Variants in SDK1 observed in about 807,000 individuals in gnomAD.
SDK1 encodes sidekick cell adhesion molecule 1, also known as protein sidekick-1.
A neutral mutation model predicts 245.5 loss-of-function variants in SDK1; 157 were observed. The observed-to-expected ratio is 0.64, with a 90% CI of 0.56 to 0.73. The LOEUF (loss-of-function observed/expected upper bound fraction) is 0.73. SDK1 is among the 30% of genes least tolerant of loss of function. The pLI is 0.00. For synonymous variants in SDK1, 1,647 were observed against 1,278.5 expected (o/e 1.29, Z -6.15); for missense variants, 3,583 against 3,002.3 (o/e 1.19, Z -4.52).
chr7:3,637,103 G>T (rs28666850), intron 2 of SDK1, among the ~76,000 whole-genome samples: 7 of 151,218 alleles, frequency 4.6e-5, no homozygotes. Flanking sequence ...GTGTGTGTGT[G>T]TGTGTGTGTT....
In SDK1 at chr7:3,497,425, G is replaced by C. The variant is rs192565307; in HGVS notation, c.299-121655G>C. The stretch of plus-strand genomic sequence containing the variant: ...ATCAGTCTTTTTGTAGCTGTCTGCT[G>C]CAGACATCATTGCGTCTTTATTATG... On this transcript the variant is annotated intron_variant, in intron 1 of 44. Transcript: ENST00000404826. Among the ~76,000 whole-genome samples the C allele has an allele frequency of 1.1e-3, 173 of 152,290 alleles. 1 individual carries two copies. Among genetic ancestry groups the C allele is most frequent in the African/African-American group, 4.0e-3 (165 of 41,570 alleles).
intron 1 of SDK1, among the ~76,000 whole-genome samples, chr7:3,401,266 C>G (rs549079211): frequency 7.2e-5 from 11 of 152,090 alleles, no homozygotes; most frequent in South Asian, 2.1e-4. Flanking sequence ...GAATTCCAAT[C>G]AAGATGAGTT....
chr7:3,761,007 C>A (rs571390329), intron 4 of SDK1, among the ~76,000 whole-genome samples: 1 of 152,232 alleles, frequency 6.6e-6, no homozygotes, highest in African/African-American at 2.4e-5. Context: ...TGAGCATTTG[C>A]CTACATGTAA....
At chr7:3,425,485 T>C (rs1419835542) in intron 1 of SDK1, among the ~76,000 whole-genome samples, 1 of 152,236 alleles carries the variant, frequency 6.6e-6, no homozygotes, top group African/African-American at 2.4e-5. Context: ...AATACCAGCA[T>C]GATAGATTTG....
At chr7:4,134,379 C>A (rs1217159024) in intron 28 of SDK1, among the ~76,000 whole-genome samples, 1 of 152,194 alleles carries the variant, frequency 6.6e-6, no homozygotes, top group Non-Finnish European at 1.5e-5. Flanking sequence ...TGAGCCACAT[C>A]TGGTGCCTGC....
intron 1 of SDK1, among the ~76,000 whole-genome samples, chr7:3,420,709 A>G (rs1440914158): frequency 6.6e-6 from 1 of 152,230 alleles, no homozygotes; most frequent in Non-Finnish European, 1.5e-5. Context: ...TAACATAATG[A>G]GAATCTTTAT....
intron 25 of SDK1, among the ~76,000 whole-genome samples, chr7:4,122,403 G>T (rs1424523408): frequency 6.6e-6 from 1 of 152,178 alleles, no homozygotes; most frequent in African/African-American, 2.4e-5. Flanking sequence ...GGATTGGAGA[G>T]AGAATAAAAC....
At position 3,745,536 on chromosome 7, in the gene SDK1, A is replaced by ATG. The variant is rs3086116; in HGVS notation, c.714-75898_714-75897dup. On this transcript the variant is annotated intron_variant, in intron 4 of 44. Coordinates refer to ENST00000404826, the MANE Select transcript of SDK1 (RefSeq NM_152744.4). ...CTGGTTTCAGTATGCCCTCATTTGC[A>ATG]TGTGTGTGTGTGTGTGTAAATAATT... 1.2e-3 allele frequency among the ~76,000 whole-genome samples: 177 copies of ATG among 151,502 alleles called. 1 individual carries two copies. The highest frequency in any genetic ancestry group is 0.012 in the East Asian group (60 of 5,146).
intron 5 of SDK1, among the ~76,000 whole-genome samples, chr7:3,893,300 G>A (rs190063148): frequency 6.6e-6 from 1 of 152,270 alleles, no homozygotes; most frequent in Non-Finnish European, 1.5e-5. Context: ...TCCCACCTGG[G>A]TCTGAATCGC....
chr7:4,062,529 C>G (rs1347501972), intron 19 of SDK1, among the ~76,000 whole-genome samples: 1 of 152,146 alleles, frequency 6.6e-6, no homozygotes, highest in East Asian at 1.9e-4. Context: ...ACCATACTTT[C>G]AAGGAAGAAC....
intron 1 of SDK1, among the ~76,000 whole-genome samples, chr7:3,418,615 C>T (rs77407033): frequency 0.01 from 1,579 of 152,244 alleles, 29 homozygotes; most frequent in African/African-American, 0.036. Flanking sequence ...ATGACATAAC[C>T]TGGAAATCTT....
intron 1 of SDK1, among the ~76,000 whole-genome samples, chr7:3,406,395 CGTT>C (rs764552223): frequency 6.6e-6 from 1 of 152,114 alleles, no homozygotes; most frequent in Non-Finnish European, 1.5e-5. Context: ...TGGAGTTACT[CGTT>C]GTGTCTGAGG....
chr7:4,078,215 GA>G (rs1018466834), intron 21 of SDK1, among the ~76,000 whole-genome samples: 1 of 152,176 alleles, frequency 6.6e-6, no homozygotes, highest in African/African-American at 2.4e-5. Flanking sequence ...TGTAGCTGGA[GA>G]GGGGTCTTAA....
In SDK1 at chr7:4,027,684, A is replaced by G. The variant is rs17134191; in HGVS notation, c.2602+10332A>G. On this transcript the variant is annotated intron_variant, in intron 17 of 44. Transcript: ENST00000404826. Reference sequence around the variant, plus strand: ...ATGGAAGAGAAGATGAATAGTAATAATCTTTTCTCAGGGGTGTTGCAAATA... The same window carrying G: ...ATGGAAGAGAAGATGAATAGTAATAGTCTTTTCTCAGGGGTGTTGCAAATA... 9.8e-3 allele frequency among the ~76,000 whole-genome samples: 1,497 copies of G among 152,304 alleles called. 26 individuals carry two copies. Among genetic ancestry groups the G allele is most frequent in the African/African-American group, 0.035 (1,442 of 41,548 alleles).
chr7:3,571,024 T>C (rs1780097948), intron 1 of SDK1, among the ~76,000 whole-genome samples: 1 of 152,196 alleles, frequency 6.6e-6, no homozygotes, highest in East Asian at 1.9e-4. Flanking sequence ...GCTAATACTT[T>C]GTTTTCCCAA....
intron 1 of SDK1, among the ~76,000 whole-genome samples, chr7:3,366,650 A>G (rs193020145): frequency 3.9e-5 from 6 of 152,296 alleles, no homozygotes; most frequent in Admixed American, 3.3e-4. Context: ...ACATCTTTAA[A>G]AACATTTAAA....
In SDK1 at chr7:3,375,267, C is replaced by G. The variant is rs138806233; in HGVS notation, c.298+73383C>G. 4.9e-3 allele frequency among the ~76,000 whole-genome samples: 739 copies of G among 152,050 alleles called. 3 individuals carry two copies. The highest frequency in any genetic ancestry group is 0.01 in the Middle Eastern group (3 of 294). ...TGCCTTTACATGTCACAAACTTATG[C>G]TAAAGCTGTAATTGTTAAATCAGTA... On this transcript the variant is annotated intron_variant, in intron 1 of 44. Coordinates refer to ENST00000404826, the MANE Select transcript of SDK1 (RefSeq NM_152744.4).
chr7:3,982,509 A>G (rs1783489186), intron 13 of SDK1, among the ~76,000 whole-genome samples: 1 of 152,226 alleles, frequency 6.6e-6, no homozygotes. Flanking sequence ...GTAAATGGAA[A>G]ACCTTCTGGA....
chr7:3,427,074 A>G (rs1779697555), intron 1 of SDK1, among the ~76,000 whole-genome samples: 1 of 152,218 alleles, frequency 6.6e-6, no homozygotes, highest in Non-Finnish European at 1.5e-5. Flanking sequence ...GTGATGGTTC[A>G]AGCTGAACTA....
Sources: allele counts gnomAD v4.1 joint callset (sites outside exome capture counted in the v4.1 genomes callset), GRCh38; gene constraint gnomAD v4.1.1; transcripts MANE v1.5; gene names NCBI Gene and HGNC (gene_info 2026-07-23, HGNC 2026-07-21).